ALG12: variants seen among roughly 807,000 people sequenced by gnomAD.
ALG12 encodes the protein dol-P-Man:Man(7)GlcNAc(2)-PP-Dol alpha-1,6-mannosyltransferase.
ALG12 carries 36 observed loss-of-function variants against 46.0 expected under a neutral mutation model. That is an observed-to-expected ratio of 0.78 (90% CI 0.60 to 1.03). The LOEUF is 1.03. Among genes scored for constraint, ALG12 ranks in the 50% least tolerant of loss-of-function variants. The pLI, the probability that ALG12 is intolerant of heterozygous loss-of-function variation, is 0.00. For synonymous variants in ALG12, 326 were observed against 291.6 expected, an observed-to-expected ratio of 1.12 and a Z score of -1.20; for missense variants, 599 against 633.5, an observed-to-expected ratio of 0.95 and a Z score of 0.58.
In ALG12 at chr22:49,913,749, GACC is replaced by G; in HGVS notation, c.14_16del (p.Gly5_Ser6delinsAla). ...CAGCAGCAGGGGCCGCCTGCCTGAT[GACC>G]CCTTTCCAGCCATTCCAGGCTTTCA... On this transcript the variant is annotated inframe_deletion, in exon 2 of 10. Coordinates refer to ENST00000330817, the MANE Select transcript of ALG12 (RefSeq NM_024105.4). The G allele has an allele frequency of 6.2e-7, 1 of 1,613,656 alleles. No homozygotes were observed. The highest frequency in any genetic ancestry group is 8.5e-7 in the Non-Finnish European group (1 of 1,180,028).
the ALG12 span, chr22:49,888,274 TTAAA>T: frequency 6.0e-6 from 1 of 166,898 alleles, no homozygotes; most frequent in Admixed American, 6.5e-5. Context: ...TTTAAACCAA[TTAAA>T]TATTCTGAGT....
At chr22:49,885,381 C>T in the ALG12 span, 2 of 1,595,978 alleles carry the variant, frequency 1.3e-6, no homozygotes, top group South Asian at 2.2e-5. Flanking sequence ...GCTCCGCAGA[C>T]TCCACAAAAG....
At chr22:49,862,693 C>CTTTTTT in the ALG12 span, among the ~76,000 whole-genome samples, 1 of 58,986 alleles carries the variant, frequency 1.7e-5, no homozygotes, top group Middle Eastern at 0.012. Flanking sequence ...TAAGTTTTTC[C>CTTTTTT]TTTTTTTTTT....
chr22:49,888,463 C>T, the ALG12 span: 1 of 167,238 alleles, frequency 6.0e-6, no homozygotes, highest in African/African-American at 2.4e-5. Flanking sequence ...CAGACACTGG[C>T]TTTTTATTTT....
the ALG12 span, among the ~76,000 whole-genome samples, chr22:49,872,219 A>G: frequency 6.6e-6 from 1 of 152,140 alleles, no homozygotes; most frequent in Non-Finnish European, 1.5e-5. Context: ...CAAAATCTTT[A>G]TTGTCATTTT....
chr22:49,871,306 G>A, the ALG12 span, among the ~76,000 whole-genome samples: 1 of 151,858 alleles, frequency 6.6e-6, no homozygotes, highest in African/African-American at 2.4e-5. Flanking sequence ...GGCCAATGTG[G>A]TGAAACCCCG....
intron 1 of ALG12, among the ~76,000 whole-genome samples, chr22:49,915,630 A>C (rs1349525699): frequency 6.6e-6 from 1 of 152,242 alleles, no homozygotes; most frequent in Non-Finnish European, 1.5e-5. Context: ...AGGTCGAAGG[A>C]CTAGGTTAGG....
chr22:49,898,734 G>A (rs1023434823), downstream of ALG12, among the ~76,000 whole-genome samples: 2 of 152,162 alleles, frequency 1.3e-5, no homozygotes, highest in East Asian at 3.9e-4. Flanking sequence ...ATTCAGTGGT[G>A]AAAAGACAGT....
rs903458553 is a variant in ALG12, at chr22:49,901,676, T to C, written c.*2162A>G. The C allele has an allele frequency of 1.3e-5, 2 of 149,256 alleles. No individual in the cohort carries two copies. The highest frequency in any genetic ancestry group is 5.1e-5 in the African/African-American group (2 of 39,482). The allele number at this position is 149,256 out of a possible 1,614,324, so 9.2% of individuals were successfully genotyped here. A position where few individuals can be genotyped will look rare whatever the true frequency, so the allele number is the denominator to read the frequency against. On this transcript the variant is annotated 3_prime_UTR_variant, in exon 10 of 10. Coordinates refer to ENST00000330817, the MANE Select transcript of ALG12 (RefSeq NM_024105.4). Reference sequence around the variant, plus strand: ...ATCATGCATGTATGGTGTGTATGCATGGTGTGCGCATCTGTGCATTGTGTG... The same window carrying C: ...ATCATGCATGTATGGTGTGTATGCACGGTGTGCGCATCTGTGCATTGTGTG...
At chr22:49,879,156 AAAAAC>A in the ALG12 span, among the ~76,000 whole-genome samples, 1 of 150,586 alleles carries the variant, frequency 6.6e-6, no homozygotes, top group Admixed American at 6.6e-5. Flanking sequence ...AAAAAAAACA[AAAAAC>A]AAAAAAAAAC....
chr22:49,908,572 C>T (rs1176671957), intron 6 of ALG12, among the ~76,000 whole-genome samples: 4 of 142,840 alleles, frequency 2.8e-5, no homozygotes. Flanking sequence ...CAGACGGTCA[C>T]GGGTGACACA....
Position 49,906,329 on chromosome 22 carries a change from T to A in ALG12, c.992+1392A>T, listed in dbSNP as rs953645819. On this transcript the variant is annotated intron_variant, in intron 7 of 9. Coordinates refer to ENST00000330817, the MANE Select transcript of ALG12 (RefSeq NM_024105.4). This position sits in a 1 kb window ranked among gnomAD's most constrained non-coding sequence, Gnocchi z 4.4. ...GACTCTGGCTGGGGTCTGCTCCTCC[T>A]CCAGCCCTGAGCCGACCCCTGAGAC... is the stretch of plus-strand genomic sequence containing the variant. Among the ~76,000 whole-genome samples the A allele has an allele frequency of 1.3e-5, 2 of 151,920 alleles. No homozygotes were observed. Among genetic ancestry groups the A allele is most frequent in the Non-Finnish European group, 2.9e-5 (2 of 67,986 alleles).
chr22:49,873,190 C>T, the ALG12 span, among the ~76,000 whole-genome samples: 5 of 152,304 alleles, frequency 3.3e-5, no homozygotes, highest in Admixed American at 1.3e-4. Context: ...AGAGTCCTAG[C>T]GTTGGCCTCT....
the ALG12 span, among the ~76,000 whole-genome samples, chr22:49,864,021 T>C: frequency 2.0e-5 from 3 of 152,186 alleles, no homozygotes; most frequent in Admixed American, 2.0e-4. Context: ...TTTTTCCGGC[T>C]CCAGACCTGA....
the ALG12 span, chr22:49,884,577 C>G: frequency 6.2e-7 from 1 of 1,612,414 alleles, no homozygotes; most frequent in Non-Finnish European, 8.5e-7. Context: ...CCAAAGCTGT[C>G]TGCATTCACT....
rs2060564886 is a variant in ALG12, at chr22:49,909,819, C to T, written c.664+75G>A. On this transcript the variant is annotated intron_variant, in intron 5 of 9. Coordinates refer to ENST00000330817, the MANE Select transcript of ALG12 (RefSeq NM_024105.4). ...TTTATTTCATGGGGATGAAAACCTCCCAAATTTCTCTTGACCTTTGTAAAA... is the reference window on the plus strand; with the variant it reads ...TTTATTTCATGGGGATGAAAACCTCTCAAATTTCTCTTGACCTTTGTAAAA... The T allele has an allele frequency of 4.4e-6, 7 of 1,590,774 alleles. No individual in the cohort carries two copies. In the Admixed American group the frequency reaches 1.2e-4, roughly 27 times the overall value.
chr22:49,892,404 C>T, the ALG12 span, among the ~76,000 whole-genome samples: 43 of 152,202 alleles, frequency 2.8e-4, no homozygotes, highest in African/African-American at 9.9e-4. Context: ...GCTGGGAGAC[C>T]GGCAGCAACA....
At chr22:49,883,477 C>T in the ALG12 span, 2 of 768,532 alleles carry the variant, frequency 2.6e-6, no homozygotes, top group Admixed American at 3.2e-5. Context: ...GTGATCTATG[C>T]TGTAAGACCA....
rs1190802140 is a variant in ALG12, at chr22:49,910,463, G to A, written c.440C>T (p.Thr147Ile). The A allele has an allele frequency of 6.2e-7, 1 of 1,613,604 alleles. No individual in the cohort carries two copies. The highest frequency in any genetic ancestry group is 8.5e-7 in the Non-Finnish European group (1 of 1,180,038). ...QFHLMFYCTR[T>I]LPNVLALPVV... Reference sequence around the variant, plus strand: ...AGGCAGGGCCAGCACATTGGGCAGTGTCCGCGTGCAGTAGAACATCAGGTG... The same window carrying A: ...AGGCAGGGCCAGCACATTGGGCAGTATCCGCGTGCAGTAGAACATCAGGTG... Residue 147 changes from threonine (T) to isoleucine (I), a missense_variant, in exon 4 of 10, where the codon ACA becomes ATA. Transcript: ENST00000330817.
Sources: allele counts gnomAD v4.1 joint callset (sites outside exome capture counted in the v4.1 genomes callset), GRCh38; gene constraint gnomAD v4.1.1; non-coding constraint Gnocchi (gnomAD v3.1); transcripts MANE v1.5; gene names NCBI Gene and HGNC (gene_info 2026-07-23, HGNC 2026-07-21).